KCNIP4: variants seen among roughly 807,000 people sequenced by gnomAD.
KCNIP4 encodes potassium voltage-gated channel interacting protein 4.
A neutral mutation model predicts 34.0 loss-of-function variants in KCNIP4; 12 were observed. That is an observed-to-expected ratio of 0.35 (90% CI 0.23 to 0.57). The LOEUF is 0.57. Among genes scored for constraint, KCNIP4 ranks in the 20% least tolerant of loss-of-function variants. The pLI is 0.83. For synonymous variants in KCNIP4, 124 were observed against 102.2 expected, an observed-to-expected ratio of 1.21 and a Z score of -1.29; for missense variants, 238 against 311.7, an observed-to-expected ratio of 0.76 and a Z score of 1.78.
At chr4:21,222,386 A>G (rs994821070) in intron 1 of KCNIP4, among the ~76,000 whole-genome samples, 12 of 152,192 alleles carry the variant, frequency 7.9e-5, no homozygotes, top group African/African-American at 2.9e-4. Flanking sequence ...GGTCCAGTAT[A>G]CATTGTCATA....
chr4:21,601,524 T>G (rs1743156457), intron 1 of KCNIP4, among the ~76,000 whole-genome samples: 1 of 151,974 alleles, frequency 6.6e-6, no homozygotes, highest in South Asian at 2.1e-4. Flanking sequence ...CCCCTAAACA[T>G]GTCCTCCACC....
intron 1 of KCNIP4, among the ~76,000 whole-genome samples, chr4:21,752,201 C>A (rs1395477581): frequency 6.6e-6 from 1 of 151,910 alleles, no homozygotes; most frequent in East Asian, 1.9e-4. Context: ...TCTATTTGTC[C>A]ATTTTCACAC....
intron 5 of KCNIP4, among the ~76,000 whole-genome samples, chr4:20,742,053 G>A (rs900312863): frequency 2.0e-5 from 3 of 152,056 alleles, no homozygotes; most frequent in African/African-American, 7.3e-5. Flanking sequence ...CCAATAACAG[G>A]CTCTGAAATT....
chr4:21,661,439 G>T (rs1003017353), intron 1 of KCNIP4, among the ~76,000 whole-genome samples: 1 of 152,048 alleles, frequency 6.6e-6, no homozygotes, highest in Non-Finnish European at 1.5e-5. Context: ...TGGGTCTGGA[G>T]CCCAAAAGTG....
At position 20,850,510 on chromosome 4, in the gene KCNIP4, G is replaced by T. The variant is rs375214529; in HGVS notation, c.288+33C>A. 267 of 1,605,394 alleles carry T rather than the reference G, an allele frequency of 1.7e-4. 2 individuals carry two copies. The East Asian group carries it at 4.5e-3, about 27-fold the overall frequency. On this transcript the variant is annotated intron_variant, in intron 3 of 8. Coordinates refer to ENST00000382152, the MANE Select transcript of KCNIP4 (RefSeq NM_025221.6). The stretch of plus-strand genomic sequence containing the variant: ...ATTTCTCAATGCTCCTCTGGGAATT[G>T]TGTGAAGGTAAAGTCAAAAAGAAAG...
At chr4:21,830,657 G>A (rs573876773) in intron 1 of KCNIP4, among the ~76,000 whole-genome samples, 1 of 152,038 alleles carries the variant, frequency 6.6e-6, no homozygotes, top group South Asian at 2.1e-4. Context: ...CTGGGTGACA[G>A]AGCAAGACTC....
intron 1 of KCNIP4, among the ~76,000 whole-genome samples, chr4:21,404,276 T>C (rs1723789374): frequency 6.6e-6 from 1 of 152,228 alleles, no homozygotes; most frequent in Admixed American, 6.5e-5. Context: ...AAAATTTCAC[T>C]TGTTTATTAT....
chr4:21,660,011 C>G (rs1419261562), intron 1 of KCNIP4, among the ~76,000 whole-genome samples: 2 of 152,114 alleles, frequency 1.3e-5, no homozygotes, highest in African/African-American at 4.8e-5. Context: ...CCTTTCCTAA[C>G]ACTAAAAGTT....
intron 1 of KCNIP4, among the ~76,000 whole-genome samples, chr4:21,857,500 G>T (rs1028401246): frequency 2.0e-5 from 3 of 151,964 alleles, no homozygotes; most frequent in Non-Finnish European, 4.4e-5. Context: ...TACCCACCAG[G>T]GTTTTCTCTC....
intron 1 of KCNIP4, among the ~76,000 whole-genome samples, chr4:21,155,892 A>G (rs968581745): frequency 8.1e-5 from 12 of 148,194 alleles, no homozygotes; most frequent in Admixed American, 2.0e-4. Context: ...TCCCTTGCTT[A>G]TCTATCTATT....
chr4:21,229,130 C>G (rs1043121495), intron 1 of KCNIP4, among the ~76,000 whole-genome samples: 1 of 152,118 alleles, frequency 6.6e-6, no homozygotes, highest in Non-Finnish European at 1.5e-5. Flanking sequence ...ATGCTTTTTG[C>G]CCCTTCTGCC....
chr4:21,511,790 A>C (rs745886068), intron 1 of KCNIP4, among the ~76,000 whole-genome samples: 1 of 152,206 alleles, frequency 6.6e-6, no homozygotes, highest in Non-Finnish European at 1.5e-5. Flanking sequence ...TAACTTGTGC[A>C]TAAGTCTCTC....
At chr4:21,016,453 G>A (rs562533883) in intron 1 of KCNIP4, among the ~76,000 whole-genome samples, 75 of 151,236 alleles carry the variant, frequency 5.0e-4, no homozygotes, top group Admixed American at 4.0e-3. Flanking sequence ...CCGCCACCAC[G>A]CCCTGCTAAT....
chr4:21,427,869 C>A (rs980663777), intron 1 of KCNIP4, among the ~76,000 whole-genome samples: 2 of 152,050 alleles, frequency 1.3e-5, no homozygotes, highest in Admixed American at 1.3e-4. Flanking sequence ...ATTCTCTTTC[C>A]AAGTTGTAAA....
At chr4:21,567,771 A>C (rs1021582604) in intron 1 of KCNIP4, among the ~76,000 whole-genome samples, 11 of 152,132 alleles carry the variant, frequency 7.2e-5, no homozygotes, top group African/African-American at 2.7e-4. Flanking sequence ...TGAGGATGGA[A>C]GTTACTTTGT....
At chr4:21,776,412 A>G (rs1689094682) in intron 1 of KCNIP4, among the ~76,000 whole-genome samples, 2 of 152,100 alleles carry the variant, frequency 1.3e-5, no homozygotes, top group Admixed American at 6.5e-5. Flanking sequence ...TTTCTTCAAC[A>G]TGAGTCATGT....
intron 1 of KCNIP4, among the ~76,000 whole-genome samples, chr4:21,250,949 G>A (rs1445173688): frequency 4.6e-5 from 7 of 150,980 alleles, no homozygotes; most frequent in Non-Finnish European, 1.0e-4. Context: ...ATACAAATAT[G>A]TATATATCTA....
rs1553930269 is a variant in KCNIP4 at position 21,773,769 on chromosome 4, T to TTG, written c.61+174801_61+174802insCA. Reference sequence around the variant, plus strand: ...TGTTTTTTTTTTTTTGTTTGTTTGTTTTTGTTTTGTTTACCATTTGCTTCA... The same window carrying TTG: ...TGTTTTTTTTTTTTTGTTTGTTTGTTTGTTTGTTTTGTTTACCATTTGCTTCA... On this transcript the variant is annotated intron_variant, in intron 1 of 8. Coordinates refer to ENST00000382152, the MANE Select transcript of KCNIP4 (RefSeq NM_025221.6). Among the ~76,000 whole-genome samples the TTG allele has an allele frequency of 2.3e-3, 333 of 144,350 alleles. 3 individuals are homozygous for TTG. Among genetic ancestry groups the TTG allele is most frequent in the African/African-American group, 8.0e-3 (315 of 39,622 alleles). The allele number at this position is 144,350 out of a possible 152,430, so 94.7% of individuals were successfully genotyped here.
chr4:20,751,064 T>A (rs1173046041), intron 4 of KCNIP4, among the ~76,000 whole-genome samples: 2 of 152,198 alleles, frequency 1.3e-5, no homozygotes, highest in African/African-American at 4.8e-5. Flanking sequence ...CCCGAATGCT[T>A]CAGTGTAGTA....
Sources: gnomAD v4.1 joint callset for allele counts (sites outside exome capture counted in the v4.1 genomes callset) on GRCh38, gnomAD v4.1.1 for gene constraint, MANE v1.5 for transcripts, NCBI Gene and HGNC (gene_info 2026-07-23, HGNC 2026-07-21) for gene names.